The following ARID1B variants were observed in gnomAD, a reference collection of about 807,000 sequenced individuals.
ARID1B encodes AT-rich interactive domain-containing protein 1B.
Under a neutral mutation model 212.3 loss-of-function variants are expected in ARID1B, and 30 were observed. That is an observed-to-expected ratio of 0.14 (90% CI 0.11 to 0.19). ARID1B has a LOEUF of 0.19. Ranked by LOEUF, ARID1B falls within the 10% of genes least tolerant of loss-of-function variation. ARID1B has a pLI of 1.00. For missense variants in ARID1B, 2,891 were observed against 3,204.0 expected, an observed-to-expected ratio of 0.90 and a Z score of 2.36; for synonymous variants, 1,402 against 1,301.7, an observed-to-expected ratio of 1.08 and a Z score of -1.66.
At position 156,937,242 on chromosome 6, in the gene ARID1B, A is replaced by G. The variant is rs150090530; in HGVS notation, c.2247+1666A>G. 3 of 152,344 alleles carry G rather than the reference A, an allele frequency of 2.0e-5. No homozygotes were observed. The East Asian group carries it at 5.8e-4, about 29-fold the overall frequency. 9.4% of individuals were successfully genotyped at this position (152,344 alleles called of 1,614,324 possible). ...GAGAAGGAGAGAGACAGAGGCATGCATGCTGTCGATAAATACTACATTTGC... is the reference window on the plus strand; with the variant it reads ...GAGAAGGAGAGAGACAGAGGCATGCGTGCTGTCGATAAATACTACATTTGC... On this transcript the variant is annotated intron_variant, in intron 4 of 19. Transcript: ENST00000636930.
intron 4 of ARID1B, among the ~76,000 whole-genome samples, chr6:156,980,147 G>A (rs1190485025): frequency 1.3e-5 from 2 of 152,114 alleles, no homozygotes; most frequent in African/African-American, 2.4e-5. Context: ...GCTTAGATCC[G>A]TAGTCATAGT....
chr6:156,901,712 G>T (rs986085108), intron 3 of ARID1B, 187 bp downstream of exon 3: 3 of 775,210 alleles, frequency 3.9e-6, no homozygotes, highest in African/African-American at 1.8e-5. Context: ...TTTGAGATTG[G>T]AGGGTGAGAA....
chr6:156,899,473 A>G (rs1788751037), intron 2 of ARID1B, among the ~76,000 whole-genome samples: 1 of 152,148 alleles, frequency 6.6e-6, no homozygotes, highest in South Asian at 2.1e-4. Flanking sequence ...TGGATGAATG[A>G]GCCGTGTGTC....
chr6:156,997,634 G>A (rs986168217), intron 4 of ARID1B, among the ~76,000 whole-genome samples: 4 of 150,528 alleles, frequency 2.7e-5, no homozygotes, highest in Non-Finnish European at 4.4e-5. Context: ...GTAGAGCTGA[G>A]ATTTAAACAC....
At chr6:156,943,145 T>G (rs1400183513) in intron 4 of ARID1B, 1 of 152,212 alleles carries the variant, frequency 6.6e-6, no homozygotes. Context: ...TTTTCTCATC[T>G]TTTTCTTTTG....
chr6:157,172,062 T>A (rs2295122), intron 9 of ARID1B, among the ~76,000 whole-genome samples: 1 of 152,238 alleles, frequency 6.6e-6, no homozygotes, highest in Non-Finnish European at 1.5e-5. Flanking sequence ...CTGTCATTCC[T>A]TTGAACCCGC....
In ARID1B at chr6:157,079,317, T is replaced by C. The variant is rs528048559; in HGVS notation, c.2248-5345T>C. Among the ~76,000 whole-genome samples the C allele has an allele frequency of 2.6e-5, 4 of 152,310 alleles. No individual in the cohort carries two copies. The South Asian group carries it at 8.3e-4, about 32-fold the overall frequency. Reference sequence around the variant, plus strand: ...TGAAAGCAGCAGGGACTTTGGTAGGTATCTGGACATAAACACTATTACAAC... The same window carrying C: ...TGAAAGCAGCAGGGACTTTGGTAGGCATCTGGACATAAACACTATTACAAC... On this transcript the variant is annotated intron_variant, in intron 4 of 19. Coordinates refer to ENST00000636930, the MANE Select transcript of ARID1B (RefSeq NM_001374828.1).
At chr6:157,075,115 A>G (rs1400037548) in intron 4 of ARID1B, among the ~76,000 whole-genome samples, 2 of 151,552 alleles carry the variant, frequency 1.3e-5, no homozygotes, top group Non-Finnish European at 2.9e-5. Flanking sequence ...CTTGAGTGCT[A>G]GCACTTGAGG....
intron 4 of ARID1B, among the ~76,000 whole-genome samples, chr6:157,027,481 T>C (rs1780734877): frequency 6.6e-6 from 1 of 152,216 alleles, no homozygotes; most frequent in Non-Finnish European, 1.5e-5. Flanking sequence ...AGAAGTTTTG[T>C]CATCTGTTAG....
At chr6:157,167,674 C>T (rs997660630) in intron 9 of ARID1B, 1 of 152,896 alleles carries the variant, frequency 6.5e-6, no homozygotes, top group Admixed American at 6.5e-5. Flanking sequence ...CAGATTGTCT[C>T]TATTGGGAAA....
At chr6:156,787,043 T>C (rs1044640157) in intron 1 of ARID1B, among the ~76,000 whole-genome samples, 43 of 151,980 alleles carry the variant, frequency 2.8e-4, no homozygotes, top group Admixed American at 3.3e-4. Context: ...TGATGTGATC[T>C]AGTGACTCTT....
chr6:156,982,711 A>G (rs915689708), intron 4 of ARID1B, among the ~76,000 whole-genome samples: 4 of 152,062 alleles, frequency 2.6e-5, no homozygotes, highest in African/African-American at 9.7e-5. Flanking sequence ...TTTTTAATTC[A>G]AAGTGTTTTT....
intron 4 of ARID1B, among the ~76,000 whole-genome samples, chr6:157,022,107 C>T (rs2128477045): frequency 6.6e-6 from 1 of 152,144 alleles, no homozygotes; most frequent in African/African-American, 2.4e-5. Flanking sequence ...GCCAGCAGGG[C>T]CGCGGAGCCC....
At chr6:156,935,364 G>A (rs539555339) in intron 3 of ARID1B, 102 bp from the exon 4 acceptor site, 6 of 971,408 alleles carry the variant, frequency 6.2e-6, no homozygotes, top group African/African-American at 3.3e-5. Flanking sequence ...ACAGGCATGA[G>A]CCACTGTGCC....
intron 1 of ARID1B, among the ~76,000 whole-genome samples, chr6:156,827,731 T>C (rs1782840492): frequency 6.6e-6 from 1 of 151,798 alleles, no homozygotes; most frequent in Non-Finnish European, 1.5e-5. Context: ...TTGGACGTGT[T>C]ATTCCCCTTT....
rs1186445407 is a variant in ARID1B, at chr6:156,778,939, G to C, written c.1259G>C (p.Gly420Ala). ...GGAGAGGAGA[G>A]AVAAAAAAAA... ...GCAGGAGCAGGAGGAGCAGGAGCGG[G>C]AGCTGTGGCGGCGGCGGCCGCGGCG... Residue 420 changes from glycine to alanine, a missense_variant, in exon 1 of 20, where the codon GGA (glycine) becomes GCA (alanine). By Grantham distance (60) the Gly-to-Ala change is moderately conservative. Around this residue, in one of 7 missense-constraint regions of ARID1B, gnomAD observed 1,643 missense variants for 1,544.0 expected, o/e 1.06. Transcript: ENST00000636930. 7.7e-7 allele frequency: 1 copy of C among 1,300,398 alleles called. No homozygotes were observed. Among genetic ancestry groups the C allele is most frequent in the Non-Finnish European group, 9.7e-7 (1 of 1,031,834 alleles). The allele number at this position is 1,300,398 out of a possible 1,614,324, so 80.6% of individuals were successfully genotyped here.
intron 13 of ARID1B, chr6:157,186,683 A>G: frequency 2.7e-6 from 1 of 369,062 alleles, no homozygotes. Context: ...GTAAAAATGT[A>G]TGTTCTTTGA....
At chr6:157,109,682 C>A (rs1034654033) in intron 5 of ARID1B, among the ~76,000 whole-genome samples, 1 of 152,202 alleles carries the variant, frequency 6.6e-6, no homozygotes, top group Non-Finnish European at 1.5e-5. Context: ...TCACATGACT[C>A]ATTATCTCTC....
chr6:156,787,374 T>C (rs1779719116), intron 1 of ARID1B, among the ~76,000 whole-genome samples: 1 of 152,208 alleles, frequency 6.6e-6, no homozygotes, highest in African/African-American at 2.4e-5. Flanking sequence ...TGATGATTAG[T>C]GGAGGCAGTT....
Sources: allele counts gnomAD v4.1 joint callset (sites outside exome capture counted in the v4.1 genomes callset), GRCh38; gene constraint gnomAD v4.1.1; regional missense constraint gnomAD v4.1.1; transcripts MANE v1.5; gene names NCBI Gene and HGNC (gene_info 2026-07-23, HGNC 2026-07-21).